Variants in FYN observed in about 807,000 individuals in gnomAD.
The protein encoded by FYN is tyrosine-protein kinase Fyn.
Under a neutral mutation model 70.2 loss-of-function variants are expected in FYN, and 10 were observed. That is an observed-to-expected ratio of 0.14 (90% CI 0.09 to 0.24). The LOEUF is 0.24. FYN is among the 10% of genes least tolerant of loss of function. FYN has a pLI of 1.00. For synonymous variants in FYN, 236 were observed against 248.6 expected (o/e 0.95, Z 0.48); for missense variants, 319 against 673.1 (o/e 0.47, Z 5.82).
At chr6:111,691,173 T>C (rs1397351183) in intron 12 of FYN, among the ~76,000 whole-genome samples, 1 of 152,110 alleles carries the variant, frequency 6.6e-6, no homozygotes, top group Non-Finnish European at 1.5e-5. Flanking sequence ...CTCCCTGACA[T>C]GGGCTGCTGC....
At chr6:111,731,727 T>C (rs1801466938) in intron 3 of FYN, among the ~76,000 whole-genome samples, 1 of 152,092 alleles carries the variant, frequency 6.6e-6, no homozygotes, top group Non-Finnish European at 1.5e-5. Context: ...ACAGAATGGC[T>C]CAGGAGGACG....
At chr6:111,705,710 A>C (rs932028217) in intron 6 of FYN, among the ~76,000 whole-genome samples, 1 of 152,140 alleles carries the variant, frequency 6.6e-6, no homozygotes, top group African/African-American at 2.4e-5. Context: ...TTAGCTGGGC[A>C]TGGTGGCATG....
intron 9 of FYN, 188 bp from the exon 10 acceptor site, chr6:111,696,644 TG>T (rs1399723756): frequency 2.0e-6 from 1 of 494,508 alleles, no homozygotes; most frequent in Non-Finnish European, 3.5e-6. Context: ...AGTTTATTTG[TG>T]GTTATGGCTA....
intron 3 of FYN, among the ~76,000 whole-genome samples, chr6:111,720,561 C>T (rs1800883113): frequency 6.6e-6 from 1 of 152,164 alleles, no homozygotes; most frequent in Admixed American, 6.5e-5. Flanking sequence ...GACTGCTTCA[C>T]TCATGGGTAC....
intron 3 of FYN, among the ~76,000 whole-genome samples, chr6:111,735,474 G>C (rs1461061581): frequency 2.6e-5 from 4 of 152,222 alleles, no homozygotes; most frequent in African/African-American, 9.6e-5. Context: ...GGGAGGTAAA[G>C]TTATTTGCCT....
chr6:111,804,052 A>G (rs1439844110), intron 2 of FYN, among the ~76,000 whole-genome samples: 1 of 152,220 alleles, frequency 6.6e-6, no homozygotes, highest in East Asian at 1.9e-4. Context: ...GGATACAGCT[A>G]CTAGTTTCAC....
intron 7 of FYN, 89 bp from the exon 8 acceptor site, chr6:111,703,123 T>C (rs943765930): frequency 2.5e-6 from 3 of 1,217,894 alleles, no homozygotes; most frequent in African/African-American, 3.1e-5. Context: ...TGATTAATAA[T>C]TACCAAGGAT....
At chr6:111,858,102 C>G (rs1024356599) in intron 1 of FYN, among the ~76,000 whole-genome samples, 3 of 152,146 alleles carry the variant, frequency 2.0e-5, no homozygotes, top group African/African-American at 7.2e-5. Context: ...AGGGCATAAG[C>G]AGGACTGTCG....
intron 2 of FYN, among the ~76,000 whole-genome samples, chr6:111,819,571 A>C (rs1247207725): frequency 6.6e-6 from 1 of 152,098 alleles, no homozygotes; most frequent in Non-Finnish European, 1.5e-5. Flanking sequence ...ACCCATATTA[A>C]ATTGAGTTTC....
At chr6:111,837,769 A>C (rs1773233585) in intron 2 of FYN, among the ~76,000 whole-genome samples, 1 of 151,404 alleles carries the variant, frequency 6.6e-6, no homozygotes, top group Non-Finnish European at 1.5e-5. Flanking sequence ...GACGGTCAGG[A>C]CTTCCTCAAG....
intron 3 of FYN, among the ~76,000 whole-genome samples, chr6:111,730,485 G>C (rs1402406721): frequency 6.6e-6 from 1 of 152,204 alleles, no homozygotes; most frequent in Non-Finnish European, 1.5e-5. Flanking sequence ...CTGTGAGTGA[G>C]GTCATGAAGA....
intron 3 of FYN, among the ~76,000 whole-genome samples, chr6:111,729,965 C>T (rs1801372288): frequency 1.3e-5 from 2 of 152,058 alleles, no homozygotes; most frequent in Admixed American, 1.3e-4. Context: ...TTAATATTAT[C>T]AGTTACTGAT....
At chr6:111,859,228 G>A (rs1280552687) in intron 1 of FYN, among the ~76,000 whole-genome samples, 1 of 152,136 alleles carries the variant, frequency 6.6e-6, no homozygotes, top group Non-Finnish European at 1.5e-5. Context: ...TTCATATGAT[G>A]TTTTCTCTAG....
chr6:111,836,072 G>A (rs1033831174), intron 2 of FYN, among the ~76,000 whole-genome samples: 5 of 152,214 alleles, frequency 3.3e-5, no homozygotes, highest in African/African-American at 9.6e-5. Context: ...GCAAGAAACA[G>A]AGAAACTGAA....
At chr6:111,677,294 G>A (rs534489636) in intron 12 of FYN, among the ~76,000 whole-genome samples, 1 of 152,124 alleles carries the variant, frequency 6.6e-6, no homozygotes, top group Non-Finnish European at 1.5e-5. Flanking sequence ...TCCTTTTCAA[G>A]GAAGACAAAA....
At chr6:111,833,625 A>AT (rs1773090102) in intron 2 of FYN, among the ~76,000 whole-genome samples, 1 of 152,008 alleles carries the variant, frequency 6.6e-6, no homozygotes, top group Non-Finnish European at 1.5e-5. Context: ...GCTTTCCATA[A>AT]TGGCTGTTTA....
intron 12 of FYN, among the ~76,000 whole-genome samples, chr6:111,687,936 G>T (rs1432996666): frequency 1.2e-4 from 19 of 152,254 alleles, no homozygotes; most frequent in Non-Finnish European, 2.9e-5. Context: ...GATCTCATGG[G>T]TCATGCTCTT....
At position 111,694,517 on chromosome 6, in the gene FYN, T is replaced by C. The variant is rs1171164414; in HGVS notation, c.1131A>G (p.Gly377=). The part of the protein sequence containing the change: ...LVDMAAQVAA[G]MAYIERMNYI... ...AATTCATGCGCTCGATGTAAGCCAT[T>C]CCTGCAGCCACCTGTGGAAACCCAG... is the stretch of plus-strand genomic sequence containing the variant. Residue 377 remains glycine, a synonymous_variant, in exon 12 of 14, where the codon GGA becomes GGG. Transcript: ENST00000354650. The surrounding 1 kb of genome is among the most constrained non-coding windows in gnomAD (Gnocchi z 5.0). 6.2e-7 allele frequency: 1 copy of C among 1,614,078 alleles called. No individual in the cohort carries two copies. Among genetic ancestry groups the C allele is most frequent in the Non-Finnish European group, 8.5e-7 (1 of 1,180,038 alleles).
chr6:111,750,121 T>C (rs1310824266), intron 3 of FYN, among the ~76,000 whole-genome samples: 8 of 152,216 alleles, frequency 5.3e-5, no homozygotes, highest in Admixed American at 2.0e-4. Flanking sequence ...CCTTCCATTC[T>C]GACTTTCTGC....
Sources: allele counts gnomAD v4.1 joint callset (sites outside exome capture counted in the v4.1 genomes callset), GRCh38; gene constraint gnomAD v4.1.1; non-coding constraint Gnocchi (gnomAD v3.1); transcripts MANE v1.5; gene names NCBI Gene and HGNC (gene_info 2026-07-23, HGNC 2026-07-21).